The following UGGT2 variants were observed in gnomAD, a reference collection of about 807,000 sequenced individuals.
UGGT2 encodes UDP-glucose:glycoprotein glucosyltransferase 2.
UGGT2 carries 180 observed loss-of-function variants against 192.1 expected under a neutral mutation model. That is an observed-to-expected ratio of 0.94 (90% CI 0.83 to 1.06). UGGT2 has a LOEUF of 1.06. Ranked by LOEUF, UGGT2 falls within the 50% of genes least tolerant of loss-of-function variation. UGGT2 has a pLI of 0.00. For synonymous variants in UGGT2, 580 were observed against 591.0 expected (o/e 0.98, Z 0.27); for missense variants, 1,849 against 1,795.7 (o/e 1.03, Z -0.54).
At chr13:95,871,536 C>T (rs1180254824) in intron 29 of UGGT2, among the ~76,000 whole-genome samples, 2 of 152,138 alleles carry the variant, frequency 1.3e-5, no homozygotes, top group Admixed American at 6.5e-5. Flanking sequence ...TTGGGATGCA[C>T]AGAGGACTCA....
intron 12 of UGGT2, among the ~76,000 whole-genome samples, chr13:95,966,453 C>T (rs1176580084): frequency 2.6e-5 from 4 of 152,096 alleles, no homozygotes; most frequent in African/African-American, 7.2e-5. Flanking sequence ...GTTATCTATA[C>T]AGTTAGATAG....
At chr13:96,034,850 C>T (rs946205804) in intron 1 of UGGT2, among the ~76,000 whole-genome samples, 5 of 152,234 alleles carry the variant, frequency 3.3e-5, no homozygotes, top group South Asian at 2.1e-4. Flanking sequence ...ACACACTCAC[C>T]GCCGCCCTGC....
chr13:95,858,424 T>C (rs554576127), intron 33 of UGGT2, among the ~76,000 whole-genome samples: 7 of 152,184 alleles, frequency 4.6e-5, no homozygotes, highest in African/African-American at 1.7e-4. Flanking sequence ...AGGTTAGTCA[T>C]GCAGGCCGTT....
At chr13:95,860,691 T>G (rs1025900785) in intron 32 of UGGT2, 97 bp downstream of exon 32, 16 of 590,378 alleles carry the variant, frequency 2.7e-5, no homozygotes, top group African/African-American at 1.8e-4. Flanking sequence ...GAGGTGGGAG[T>G]TTTTTTTTTC....
chr13:95,950,448 C>T (rs987602086), intron 12 of UGGT2, among the ~76,000 whole-genome samples: 3 of 151,176 alleles, frequency 2.0e-5, no homozygotes, highest in Non-Finnish European at 2.9e-5. Flanking sequence ...AAACAAGCTT[C>T]AACAGAAGCA....
At chr13:95,857,489 G>T (rs1889729190) in intron 33 of UGGT2, among the ~76,000 whole-genome samples, 1 of 152,120 alleles carries the variant, frequency 6.6e-6, no homozygotes, top group Admixed American at 6.6e-5. Context: ...AGTGCTGTCA[G>T]AAAATAATTA....
intron 1 of UGGT2, among the ~76,000 whole-genome samples, chr13:96,048,969 C>T (rs543400176): frequency 7.4e-6 from 1 of 135,834 alleles, no homozygotes; most frequent in East Asian, 1.9e-4. Context: ...GGAATCCTCC[C>T]TAACTCATTT....
intron 4 of UGGT2, among the ~76,000 whole-genome samples, chr13:96,019,030 T>C (rs1276790771): frequency 1.4e-5 from 2 of 142,420 alleles, no homozygotes; most frequent in East Asian, 2.2e-4. Flanking sequence ...AAAAAAACCA[T>C]TGACCAATAT....
chr13:95,999,125 T>G, intron 6 of UGGT2, 86 bp downstream of exon 6: 1 of 967,036 alleles, frequency 1.0e-6, no homozygotes, highest in Non-Finnish European at 1.6e-6. Context: ...ATATGTAGGA[T>G]TATACTCATT....
intron 37 of UGGT2, 145 bp from the exon 38 acceptor site, chr13:95,833,198 G>C (rs1886916676): frequency 2.5e-6 from 2 of 800,758 alleles, no homozygotes; most frequent in South Asian, 2.2e-5. Flanking sequence ...ACAGGATCAG[G>C]TGAAATGATA....
chr13:95,920,660 G>T (rs541068343), intron 20 of UGGT2, among the ~76,000 whole-genome samples: 1 of 152,272 alleles, frequency 6.6e-6, no homozygotes, highest in South Asian at 2.1e-4. Context: ...ACGCCAGTCA[G>T]AATGGCCATT....
At chr13:95,950,678 T>C (rs7982873) in intron 12 of UGGT2, among the ~76,000 whole-genome samples, 146,466 of 150,762 alleles carry the variant, frequency 0.97, 71,294 homozygotes, top group East Asian at 1. Flanking sequence ...TTTTAAAAAG[T>C]ACAAAAATTT....
chr13:95,935,857 C>T (rs1014629465), intron 17 of UGGT2, among the ~76,000 whole-genome samples: 5 of 152,150 alleles, frequency 3.3e-5, no homozygotes, highest in African/African-American at 9.7e-5. Flanking sequence ...GACAGGGTCT[C>T]GCTCTGTCAT....
At chr13:95,848,631 T>C (rs950407471) in intron 36 of UGGT2, among the ~76,000 whole-genome samples, 3 of 152,222 alleles carry the variant, frequency 2.0e-5, no homozygotes, top group Non-Finnish European at 2.9e-5. Context: ...TATTGTTCCA[T>C]TGATCTATTT....
At chr13:95,810,528 T>C (rs923123959) in intron 38 of UGGT2, among the ~76,000 whole-genome samples, 5 of 152,352 alleles carry the variant, frequency 3.3e-5, no homozygotes, top group Admixed American at 6.5e-5. Flanking sequence ...TATCTACATA[T>C]GTTTTATGCA....
intron 38 of UGGT2, among the ~76,000 whole-genome samples, chr13:95,820,730 T>C (rs1480530464): frequency 6.6e-6 from 1 of 151,986 alleles, no homozygotes; most frequent in Non-Finnish European, 1.5e-5. Context: ...GTATCTAATA[T>C]GCAGTCTTTT....
chr13:95,936,623 T>C (rs187156783), intron 17 of UGGT2, among the ~76,000 whole-genome samples: 1 of 152,344 alleles, frequency 6.6e-6, no homozygotes, highest in Non-Finnish European at 1.5e-5. Flanking sequence ...GGAAACCTCC[T>C]TGGCTCCAAG....
chr13:95,950,945 T>C (rs1208660139), intron 12 of UGGT2, among the ~76,000 whole-genome samples: 1 of 152,100 alleles, frequency 6.6e-6, no homozygotes, highest in Non-Finnish European at 1.5e-5. Flanking sequence ...GAAAAAGATC[T>C]AGCATATAGG....
intron 20 of UGGT2, among the ~76,000 whole-genome samples, chr13:95,918,621 C>T (rs186822825): frequency 5.3e-5 from 8 of 152,146 alleles, no homozygotes; most frequent in Admixed American, 3.9e-4. Flanking sequence ...GTAAAATAGA[C>T]CACTAGCTAC....
Sources: allele counts gnomAD v4.1 joint callset (sites outside exome capture counted in the v4.1 genomes callset), GRCh38; gene constraint gnomAD v4.1.1; transcripts MANE v1.5; gene names NCBI Gene and HGNC (gene_info 2026-07-23, HGNC 2026-07-21).